Variants in GRM8 observed in about 807,000 individuals in gnomAD.
The protein encoded by GRM8 is metabotropic glutamate receptor 8.
A neutral mutation model predicts 87.2 loss-of-function variants in GRM8; 47 were observed. That is an observed-to-expected ratio of 0.54 (90% CI 0.43 to 0.69). The LOEUF (loss-of-function observed/expected upper bound fraction) is 0.69. Ranked by LOEUF, GRM8 falls within the 30% of genes least tolerant of loss-of-function variation. The pLI is 0.00. For missense variants in GRM8, 1,019 were observed against 1,139.2 expected (o/e 0.89, Z 1.52); for synonymous variants, 396 against 404.5 (o/e 0.98, Z 0.25).
At chr7:126,856,028 A>G (rs764298818) in intron 6 of GRM8, among the ~76,000 whole-genome samples, 2 of 152,180 alleles carry the variant, frequency 1.3e-5, no homozygotes, top group Non-Finnish European at 2.9e-5. Context: ...AAGTGGCTTC[A>G]ATGATTAAGA....
chr7:126,917,602 C>T (rs1006694561), intron 3 of GRM8, among the ~76,000 whole-genome samples: 7 of 152,128 alleles, frequency 4.6e-5, no homozygotes, highest in African/African-American at 1.7e-4. Context: ...ATGGAAAAAA[C>T]TGTCCCCAAG....
chr7:126,727,704 T>TACACACACACAC lies in GRM8; in HGVS notation c.1357+42149_1357+42160dup, dbSNP rs3038844. On this transcript the variant is annotated intron_variant, in intron 7 of 10. Transcript: ENST00000339582. ...GAAAACACTTGCTCATCTGAAATCA[T>TACACACACACAC]ACACACACACACACACACACACACA... 1.2e-3 allele frequency among the ~76,000 whole-genome samples: 177 copies of TACACACACACAC among 141,874 alleles called. 1 individual carries two copies. Among genetic ancestry groups the TACACACACACAC allele is most frequent in the African/African-American group, 4.2e-3 (160 of 38,160 alleles). The allele number at this position is 141,874 out of a possible 152,430, so 93.1% of individuals were successfully genotyped here. A position where few individuals can be genotyped will look rare whatever the true frequency, so the allele number is the denominator to read the frequency against.
chr7:126,914,852 T>C (rs995928563), intron 3 of GRM8, among the ~76,000 whole-genome samples: 15 of 152,296 alleles, frequency 9.8e-5, no homozygotes, highest in African/African-American at 3.6e-4. Context: ...AACAGAAACC[T>C]GATCCTCAGC....
At chr7:126,455,652 T>C (rs1192052133) in intron 9 of GRM8, among the ~76,000 whole-genome samples, 1 of 151,746 alleles carries the variant, frequency 6.6e-6, no homozygotes, top group Non-Finnish European at 1.5e-5. Flanking sequence ...TAAGTTAATC[T>C]TTTAAATGAT....
At chr7:126,628,822 C>A (rs973056602) in intron 7 of GRM8, among the ~76,000 whole-genome samples, 1 of 150,776 alleles carries the variant, frequency 6.6e-6, no homozygotes, top group Admixed American at 6.6e-5. Context: ...AAATAACTAA[C>A]TAAATAAATG....
chr7:126,949,069 C>A (rs142562992), intron 3 of GRM8, among the ~76,000 whole-genome samples: 94 of 152,328 alleles, frequency 6.2e-4, no homozygotes, highest in African/African-American at 1.8e-3. Flanking sequence ...ACACTAACAC[C>A]TACCTTGTAT....
At chr7:127,014,233 T>C (rs994694318) in intron 3 of GRM8, among the ~76,000 whole-genome samples, 1 of 152,140 alleles carries the variant, frequency 6.6e-6, no homozygotes, top group Non-Finnish European at 1.5e-5. Context: ...TGTTCACCGA[T>C]CCAAATTATT....
intron 8 of GRM8, among the ~76,000 whole-genome samples, chr7:126,602,515 A>G (rs1797909640): frequency 1.4e-5 from 2 of 140,400 alleles, no homozygotes; most frequent in African/African-American, 5.1e-5. Context: ...TCTGTAAATT[A>G]CCTTGGGCAG....
intron 3 of GRM8, chr7:127,082,224 G>C (rs1376954071): frequency 6.6e-6 from 1 of 152,110 alleles, no homozygotes; most frequent in Non-Finnish European, 1.5e-5. Context: ...TATATATTTT[G>C]GTCTGTTCAG....
chr7:126,945,104 T>C (rs1013990887), intron 3 of GRM8, among the ~76,000 whole-genome samples: 6 of 152,166 alleles, frequency 3.9e-5, no homozygotes, highest in Non-Finnish European at 8.8e-5. Context: ...ATAAATTACA[T>C]GTGTAGATGT....
chr7:126,759,528 T>TA (rs1817371513), intron 7 of GRM8, among the ~76,000 whole-genome samples: 1 of 152,150 alleles, frequency 6.6e-6, no homozygotes. Flanking sequence ...AAGAATGTCA[T>TA]AAAAACATTC....
chr7:126,966,968 T>C (rs17865083), intron 3 of GRM8, among the ~76,000 whole-genome samples: 4,040 of 152,250 alleles, frequency 0.027, 175 homozygotes, highest in African/African-American at 0.091. Flanking sequence ...TACAATATTG[T>C]AATGTCCCCT....
At chr7:126,496,970 A>ATTTTTTTTTTTT (rs71177562) in intron 9 of GRM8, among the ~76,000 whole-genome samples, 1 of 143,010 alleles carries the variant, frequency 7.0e-6, no homozygotes, top group African/African-American at 2.6e-5. Flanking sequence ...TGAGTTTTGG[A>ATTTTTTTTTTTT]TTTTTTTTTT....
intron 7 of GRM8, among the ~76,000 whole-genome samples, chr7:126,679,406 A>G (rs1240201587): frequency 6.6e-6 from 1 of 152,196 alleles, no homozygotes. Flanking sequence ...CAAAATTAGT[A>G]CAGAATTTAA....
At chr7:126,505,296 C>G (rs1181605867) in intron 9 of GRM8, among the ~76,000 whole-genome samples, 1 of 151,940 alleles carries the variant, frequency 6.6e-6, no homozygotes, top group African/African-American at 2.4e-5. Context: ...TTAGAATGGC[C>G]CCAAGTTAAT....
intron 3 of GRM8, among the ~76,000 whole-genome samples, chr7:127,105,735 C>A (rs1241219048): frequency 6.6e-6 from 1 of 152,142 alleles, no homozygotes; most frequent in East Asian, 1.9e-4. Flanking sequence ...GTAACAACAA[C>A]ATACTTAATT....
intron 7 of GRM8, among the ~76,000 whole-genome samples, chr7:126,611,641 C>T (rs1798923112): frequency 1.3e-5 from 2 of 152,178 alleles, no homozygotes. Flanking sequence ...ATTTTCTCTA[C>T]TTAAAATCTC....
chr7:127,166,622 AC>A (rs1171045436), intron 2 of GRM8, among the ~76,000 whole-genome samples: 2 of 152,202 alleles, frequency 1.3e-5, no homozygotes, highest in Non-Finnish European at 1.5e-5. Context: ...AGTATGTGCA[AC>A]AATTAATGTT....
chr7:126,741,773 T>C (rs1815034205), intron 7 of GRM8, among the ~76,000 whole-genome samples: 3 of 152,126 alleles, frequency 2.0e-5, no homozygotes, highest in Non-Finnish European at 4.4e-5. Flanking sequence ...TAGGAGCCAC[T>C]TTCACAAGAT....
Sources: gnomAD v4.1 joint callset for allele counts (sites outside exome capture counted in the v4.1 genomes callset) on GRCh38, gnomAD v4.1.1 for gene constraint, MANE v1.5 for transcripts, NCBI Gene and HGNC (gene_info 2026-07-23, HGNC 2026-07-21) for gene names.